Variants in NUMA1 observed in about 807,000 individuals in gnomAD.
NUMA1 encodes nuclear mitotic apparatus protein 1, also known as SP-H antigen.
In NUMA1, 62 loss-of-function variants were observed where a neutral mutation model predicts 237.1. That is an observed-to-expected ratio of 0.26 (90% confidence interval 0.21 to 0.32). The LOEUF is 0.32. Ranked by LOEUF, NUMA1 falls within the 10% of genes least tolerant of loss-of-function variation. NUMA1 has a pLI of 1.00. For missense variants in NUMA1, 2,533 were observed against 2,666.5 expected (o/e 0.95, Z 1.10); for synonymous variants, 1,028 against 1,066.1 (o/e 0.96, Z 0.70).
intron 2 of NUMA1, among the ~76,000 whole-genome samples, chr11:72,052,173 G>A (rs1942399296): frequency 6.6e-6 from 1 of 152,160 alleles, no homozygotes; most frequent in Admixed American, 6.5e-5. Flanking sequence ...GCGTGGGAAA[G>A]GTGGGGAGCT....
chr11:72,072,993 G>A (rs550447122), intron 1 of NUMA1, among the ~76,000 whole-genome samples: 101 of 133,596 alleles, frequency 7.6e-4, no homozygotes, highest in African/African-American at 2.8e-3. Flanking sequence ...CTTGCAGTGA[G>A]CCGAGATCGC....
In NUMA1 at chr11:72,029,389, T is replaced by C. The variant is rs534277288; in HGVS notation, c.43-99A>G. Reference sequence around the variant, plus strand: ...TGTGAGTGCTTACAGTTGTAGACTATAGGAATACAAGAACTGATGATTCTC... The same window carrying C: ...TGTGAGTGCTTACAGTTGTAGACTACAGGAATACAAGAACTGATGATTCTC... On this transcript the variant is annotated intron_variant, in intron 3 of 26. Coordinates refer to ENST00000393695, the MANE Select transcript of NUMA1 (RefSeq NM_006185.4). 239 of 625,334 alleles carry C rather than the reference T, an allele frequency of 3.8e-4. 2 individuals are homozygous for C. Among genetic ancestry groups the C allele is most frequent in the South Asian group, 1.5e-3 (62 of 42,178 alleles). The allele number at this position is 625,334 out of a possible 1,614,324, so 38.7% of individuals were successfully genotyped here. A position where few individuals can be genotyped will look rare whatever the true frequency, so the allele number is the denominator to read the frequency against.
At chr11:72,056,358 G>C (rs1411552438) in intron 2 of NUMA1, among the ~76,000 whole-genome samples, 4 of 140,378 alleles carry the variant, frequency 2.8e-5, no homozygotes, top group African/African-American at 5.3e-5. Context: ...TTTTACTCTT[G>C]TTGCCCAGGC....
chr11:72,014,039 G>T lies in NUMA1; in HGVS notation c.3464C>A (p.Ala1155Asp), dbSNP rs1956329193. ...AGCACTGTCCCGCTCAGCCCGGGAG[G>T]CCCGCTCAGCCTCGAGGCTGCGTTC... ...SLERSLEAER[A>D]SRAERDSALE... The change falls in exon 15 of 27, where the codon GCC (alanine) becomes GAC (aspartate). Residue 1155 changes from alanine to aspartate, a missense_variant. Ala to Asp is a moderately radical substitution (Grantham distance 126). Coordinates refer to ENST00000393695, the MANE Select transcript of NUMA1 (RefSeq NM_006185.4). This position sits in a 1 kb window ranked among gnomAD's most constrained non-coding sequence, Gnocchi z 4.6. The T allele has an allele frequency of 1.2e-6, 2 of 1,610,912 alleles. No homozygotes were observed. The highest frequency in any genetic ancestry group is 8.5e-7 in the Non-Finnish European group (1 of 1,179,950).
chr11:72,055,529 A>G (rs376480010), intron 2 of NUMA1, among the ~76,000 whole-genome samples: 1 of 152,234 alleles, frequency 6.6e-6, no homozygotes, highest in African/African-American at 2.4e-5. Flanking sequence ...AAAATAAAAC[A>G]ATAGGGGGAT....
chr11:72,026,642 AT>A (rs567348057), intron 4 of NUMA1, among the ~76,000 whole-genome samples: 11 of 150,618 alleles, frequency 7.3e-5, no homozygotes, highest in Admixed American at 2.0e-4. Context: ...CCCACAGCTT[AT>A]TTTTTTTTTA....
chr11:72,064,313 A>G (rs1425747181), intron 2 of NUMA1, among the ~76,000 whole-genome samples: 2 of 151,528 alleles, frequency 1.3e-5, no homozygotes, highest in African/African-American at 4.9e-5. Flanking sequence ...AAATAAAAAA[A>G]ATAGCTGGGC....
intron 4 of NUMA1, among the ~76,000 whole-genome samples, chr11:72,026,246 G>A (rs1212734928): frequency 6.6e-6 from 1 of 152,116 alleles, no homozygotes; most frequent in Non-Finnish European, 1.5e-5. Flanking sequence ...GTCATGCCTC[G>A]GCTGTCCTCC....
intron 2 of NUMA1, among the ~76,000 whole-genome samples, chr11:72,055,626 A>G (rs1942592496): frequency 6.6e-6 from 1 of 152,152 alleles, no homozygotes; most frequent in South Asian, 2.1e-4. Flanking sequence ...CACCTTGTGG[A>G]AAGTCCTTGA....
At chr11:72,076,279 T>C (rs1266047513) in intron 1 of NUMA1, among the ~76,000 whole-genome samples, 2 of 151,710 alleles carry the variant, frequency 1.3e-5, no homozygotes, top group Non-Finnish European at 2.9e-5. Flanking sequence ...GAGGCTGAGG[T>C]GGGCGGACTG....
intron 2 of NUMA1, among the ~76,000 whole-genome samples, chr11:72,046,224 C>T (rs1243502658): frequency 2.0e-5 from 3 of 152,174 alleles, no homozygotes; most frequent in East Asian, 3.8e-4. Context: ...CTCAGAAGAG[C>T]GGGAAAGGAG....
chr11:72,007,159 G>A, intron 21 of NUMA1, 30 bp downstream of exon 21: 1 of 1,600,594 alleles, frequency 6.2e-7, no homozygotes, highest in Non-Finnish European at 8.5e-7. Context: ...GGGAATTGCT[G>A]CCCTGCAGCC....
chr11:72,059,627 T>C (rs1942838450), intron 2 of NUMA1, among the ~76,000 whole-genome samples: 1 of 152,212 alleles, frequency 6.6e-6, no homozygotes, highest in Non-Finnish European at 1.5e-5. Flanking sequence ...CACAACTTTA[T>C]TTTCCCATTT....
chr11:72,051,272 T>C (rs765702923), intron 2 of NUMA1, among the ~76,000 whole-genome samples: 3 of 152,152 alleles, frequency 2.0e-5, no homozygotes, highest in Non-Finnish European at 4.4e-5. Flanking sequence ...CACTGAGAAG[T>C]ACAAAATTTC....
At chr11:72,058,763 A>C (rs1235599403) in intron 2 of NUMA1, among the ~76,000 whole-genome samples, 1 of 152,102 alleles carries the variant, frequency 6.6e-6, no homozygotes, top group Non-Finnish European at 1.5e-5. Flanking sequence ...GTAAATTGGA[A>C]ATGGCCTGTC....
intron 2 of NUMA1, among the ~76,000 whole-genome samples, chr11:72,061,606 T>A (rs1942950340): frequency 6.8e-6 from 1 of 146,774 alleles, no homozygotes. Context: ...TCCTCCTTCC[T>A]CAGACTCCTG....
At position 72,009,093 on chromosome 11, in the gene NUMA1, T is replaced by A; in HGVS notation, c.4932A>T (p.Glu1644Asp). The A allele has an allele frequency of 6.2e-7, 1 of 1,613,486 alleles. No individual in the cohort carries two copies. Among genetic ancestry groups the A allele is most frequent in the Non-Finnish European group, 8.5e-7 (1 of 1,179,944 alleles). ...CAGCTTCAGCTCGCAGCTCTTTGTT[T>A]TCCTTCTGCAGCTGCTCCAGGCTCC... The part of the protein sequence containing the change: ...QLRSLEQLQK[E>D]NKELRAEAER... Residue 1644 changes from glutamate (E) to aspartate (D), a missense_variant, in exon 19 of 27, where the codon GAA becomes GAT. Coordinates refer to ENST00000393695, the MANE Select transcript of NUMA1 (RefSeq NM_006185.4).
intron 2 of NUMA1, among the ~76,000 whole-genome samples, chr11:72,064,419 A>G (rs1352418925): frequency 6.6e-6 from 1 of 152,066 alleles, no homozygotes; most frequent in East Asian, 1.9e-4. Context: ...CTAGGATTGC[A>G]ACTGTACCAC....
intron 1 of NUMA1, chr11:72,072,334 T>C (rs1221453447): frequency 1.3e-5 from 2 of 154,644 alleles, no homozygotes; most frequent in African/African-American, 4.8e-5. Context: ...GCAAAACAAG[T>C]GTCTCTGGCC....
Sources: allele counts gnomAD v4.1 joint callset (sites outside exome capture counted in the v4.1 genomes callset), GRCh38; gene constraint gnomAD v4.1.1; non-coding constraint Gnocchi (gnomAD v3.1); transcripts MANE v1.5; gene names NCBI Gene and HGNC (gene_info 2026-07-23, HGNC 2026-07-21).